The following GAS2 variants were observed in gnomAD, a reference collection of about 807,000 sequenced individuals.
The protein encoded by GAS2 is growth arrest specific 2.
In GAS2, 20 loss-of-function variants were observed where a neutral mutation model predicts 37.5. The ratio of observed to expected loss-of-function variants is 0.53; its 90% CI spans 0.37 to 0.77. GAS2 has a LOEUF of 0.77. GAS2 is among the 30% of genes least tolerant of loss of function. The probability of loss-of-function intolerance (pLI) is 0.00; values close to 1 mark genes in which losing one functional copy is unlikely to be tolerated. For synonymous variants in GAS2, 144 were observed against 132.2 expected, an observed-to-expected ratio of 1.09 and a Z score of -0.61; for missense variants, 336 against 373.4, an observed-to-expected ratio of 0.90 and a Z score of 0.82.
At chr11:22,782,721 T>A (rs1208288652) in intron 7 of GAS2, among the ~76,000 whole-genome samples, 2 of 139,306 alleles carry the variant, frequency 1.4e-5, no homozygotes, top group Non-Finnish European at 3.1e-5. Context: ...TGCATCCATG[T>A]TGCTGCAAAA....
At chr11:22,784,456 T>G (rs552019189) in intron 7 of GAS2, among the ~76,000 whole-genome samples, 2 of 152,272 alleles carry the variant, frequency 1.3e-5, no homozygotes, top group African/African-American at 4.8e-5. Flanking sequence ...CTGCTACACA[T>G]AGTATTGGTT....
rs1258686412 is a variant in GAS2 at position 22,789,427 on chromosome 11, T to G, written c.724-22371T>G. ...GTATGTGTGTGTATCTCATATGAGA[T>G]ATATATATATATATATATATATATA... On this transcript the variant is annotated intron_variant, in intron 7 of 7. Coordinates refer to ENST00000454584, the MANE Select transcript of GAS2 (RefSeq NM_001143830.3). Among the ~76,000 whole-genome samples the G allele has an allele frequency of 5.9e-5, 2 of 33,882 alleles. 1 individual carries two copies. The highest frequency in any genetic ancestry group is 1.1e-4 in the Non-Finnish European group (2 of 18,484). The allele number at this position is 33,882 out of a possible 152,430, so 22.2% of individuals were successfully genotyped here. A position where few individuals can be genotyped will look rare whatever the true frequency, so the allele number is the denominator to read the frequency against.
intron 3 of GAS2, among the ~76,000 whole-genome samples, chr11:22,686,374 G>C (rs1849948358): frequency 1.3e-5 from 2 of 151,910 alleles, no homozygotes; most frequent in Middle Eastern, 3.4e-3. Context: ...AAACAAGAGA[G>C]ATTGTACTTA....
At chr11:22,698,244 T>A (rs1322653915) in intron 3 of GAS2, among the ~76,000 whole-genome samples, 1 of 152,156 alleles carries the variant, frequency 6.6e-6, no homozygotes, top group African/African-American at 2.4e-5. Context: ...CAAACACCTC[T>A]ATGCAAATAA....
intron 7 of GAS2, among the ~76,000 whole-genome samples, chr11:22,767,421 C>T (rs1351970658): frequency 1.3e-5 from 2 of 151,724 alleles, no homozygotes; most frequent in Non-Finnish European, 2.9e-5. Context: ...CATTGTTTTC[C>T]TTAAATTACA....
At chr11:22,676,249 T>C (rs781527634) in intron 2 of GAS2, among the ~76,000 whole-genome samples, 4 of 152,172 alleles carry the variant, frequency 2.6e-5, no homozygotes, top group Non-Finnish European at 4.4e-5. Flanking sequence ...AGTAATTGAT[T>C]CATTCAGAGT....
At chr11:22,672,242 A>T (rs1849234860) in intron 1 of GAS2, among the ~76,000 whole-genome samples, 1 of 152,202 alleles carries the variant, frequency 6.6e-6, no homozygotes, top group South Asian at 2.1e-4. Flanking sequence ...GTAACAAAAT[A>T]AAAATTGCTT....
intron 1 of GAS2, among the ~76,000 whole-genome samples, chr11:22,628,858 T>TC (rs1320192636): frequency 6.6e-6 from 1 of 152,156 alleles, no homozygotes; most frequent in African/African-American, 2.4e-5. Context: ...ATAGCTTAGC[T>TC]CCCACTTCCA....
intron 7 of GAS2, among the ~76,000 whole-genome samples, chr11:22,809,496 ATTATTATTT>A (rs1857040400): frequency 6.6e-6 from 1 of 151,532 alleles, no homozygotes; most frequent in African/African-American, 2.4e-5. Context: ...TATTATTATC[ATTATTATTT>A]GAGATGGAGT....
rs1417167159 is a variant in GAS2, at chr11:22,785,446, G to T, written c.724-26352G>T. 2.6e-5 allele frequency among the ~76,000 whole-genome samples: 4 copies of T among 152,282 alleles called. No homozygotes were observed. The East Asian group carries it at 7.7e-4, about 29-fold the overall frequency. ...TATCAGAGCTGTGCTTAACCAGGAA[G>T]TGCCAGATGGTACTGAATCACTGGC... On this transcript the variant is annotated intron_variant, in intron 7 of 7. Coordinates refer to ENST00000454584, the MANE Select transcript of GAS2 (RefSeq NM_001143830.3).
intron 2 of GAS2, among the ~76,000 whole-genome samples, chr11:22,679,935 A>G (rs951475977): frequency 2.0e-5 from 3 of 152,162 alleles, no homozygotes; most frequent in African/African-American, 7.2e-5. Flanking sequence ...TGAGCTTTGT[A>G]CATGCATATA....
intron 1 of GAS2, among the ~76,000 whole-genome samples, chr11:22,648,107 G>T (rs1328280713): frequency 6.6e-6 from 1 of 152,170 alleles, no homozygotes; most frequent in Non-Finnish European, 1.5e-5. Context: ...TGTATAAGGT[G>T]TAAGGAAGGA....
At chr11:22,657,644 G>GA (rs1295586276) in intron 1 of GAS2, among the ~76,000 whole-genome samples, 1 of 151,976 alleles carries the variant, frequency 6.6e-6, no homozygotes, top group Non-Finnish European at 1.5e-5. Context: ...TAATAGGGAA[G>GA]AAAAAAATAA....
In GAS2 at chr11:22,704,458, A is replaced by G. The variant is rs113822733; in HGVS notation, c.267+18669A>G. 3.8e-3 allele frequency among the ~76,000 whole-genome samples: 578 copies of G among 151,270 alleles called. 4 individuals carry two copies. Among genetic ancestry groups the G allele is most frequent in the African/African-American group, 0.012 (504 of 41,350 alleles). On this transcript the variant is annotated intron_variant, in intron 3 of 7. Transcript: ENST00000454584. ...GAGAGTAAACCCAGTGTTTCCAGATACCAGGATCGATTGTAATATGAAATA... is the reference window on the plus strand; with the variant it reads ...GAGAGTAAACCCAGTGTTTCCAGATGCCAGGATCGATTGTAATATGAAATA...
intron 7 of GAS2, among the ~76,000 whole-genome samples, chr11:22,788,278 T>C (rs1855913799): frequency 1.3e-5 from 2 of 152,346 alleles, no homozygotes; most frequent in South Asian, 4.1e-4. Context: ...AATATGTTTT[T>C]CTTCCTTTGA....
At chr11:22,649,288 G>T (rs1848742200) in intron 1 of GAS2, among the ~76,000 whole-genome samples, 1 of 152,070 alleles carries the variant, frequency 6.6e-6, no homozygotes, top group Admixed American at 6.5e-5. Flanking sequence ...TGGTGGATAA[G>T]CTTTTTGATG....
At chr11:22,718,239 GTAGA>G (rs1320910410) in intron 3 of GAS2, among the ~76,000 whole-genome samples, 1 of 151,792 alleles carries the variant, frequency 6.6e-6, no homozygotes, top group Non-Finnish European at 1.5e-5. Context: ...CAACTAATAA[GTAGA>G]TAAAGAAAAT....
In GAS2 at chr11:22,794,060, A is replaced by T. The variant is rs529089261; in HGVS notation, c.724-17738A>T. On this transcript the variant is annotated intron_variant, in intron 7 of 7. Coordinates refer to ENST00000454584, the MANE Select transcript of GAS2 (RefSeq NM_001143830.3). The stretch of plus-strand genomic sequence containing the variant: ...TTTATATAGTGAATTGTATGACAGC[A>T]TGCCAGCTAGTCTACAAAACAAGAA... Among the ~76,000 whole-genome samples, 8 of 152,242 alleles carry T rather than the reference A, an allele frequency of 5.3e-5. No individual in the cohort carries two copies. The East Asian group carries it at 1.4e-3, about 26-fold the overall frequency.
intron 1 of GAS2, among the ~76,000 whole-genome samples, chr11:22,670,570 G>C (rs1005765301): frequency 1.3e-5 from 2 of 152,104 alleles, no homozygotes; most frequent in Admixed American, 1.3e-4. Flanking sequence ...TAGGTCAATA[G>C]AAGTTTTATT....
Sources: allele counts gnomAD v4.1 joint callset (sites outside exome capture counted in the v4.1 genomes callset), GRCh38; gene constraint gnomAD v4.1.1; transcripts MANE v1.5; gene names NCBI Gene and HGNC (gene_info 2026-07-23, HGNC 2026-07-21).